The following USP50 variants were observed in gnomAD, a reference collection of about 807,000 sequenced individuals.
USP50 encodes ubiquitin specific peptidase 50.
Under a neutral mutation model 39.2 loss-of-function variants are expected in USP50, and 37 were observed. That is an observed-to-expected ratio of 0.94 (90% CI 0.73 to 1.24). The LOEUF (loss-of-function observed/expected upper bound fraction) is 1.24, where lower values mean the gene tolerates loss of function less well. USP50 is among the 50% of genes most tolerant of loss of function. The pLI, the probability that USP50 is intolerant of heterozygous loss-of-function variation, is 0.00. For synonymous variants in USP50, 139 were observed against 144.5 expected, an observed-to-expected ratio of 0.96 and a Z score of 0.27; for missense variants, 374 against 398.2, an observed-to-expected ratio of 0.94 and a Z score of 0.52.
chr15:50,500,899 A>T, intron 6 of USP50, 62 bp from the exon 7 acceptor site: 1 of 1,284,388 alleles, frequency 7.8e-7, no homozygotes, highest in Non-Finnish European at 1.1e-6. Context: ...CTGGAACAGA[A>T]ATGATAGGGC....
At chr15:50,525,656 GTATATA>G (rs1212569675) in intron 6 of USP50, among the ~76,000 whole-genome samples, 3 of 75,502 alleles carry the variant, frequency 4.0e-5, no homozygotes, top group South Asian at 4.2e-4. Flanking sequence ...ATATGTATAT[GTATATA>G]TGTATATGTA....
intron 6 of USP50, among the ~76,000 whole-genome samples, chr15:50,518,407 T>A (rs1025761274): frequency 3.6e-4 from 55 of 151,948 alleles, no homozygotes; most frequent in African/African-American, 1.3e-3. Flanking sequence ...ATATTTTTAG[T>A]AGAGACGGGG....
intron 4 of USP50, 75 bp from the exon 5 acceptor site, chr15:50,538,926 T>A: frequency 6.8e-7 from 1 of 1,465,744 alleles, no homozygotes; most frequent in South Asian, 1.4e-5. Context: ...TATTGGAACT[T>A]TGCAAATGCC....
At chr15:50,519,802 G>T in intron 6 of USP50, among the ~76,000 whole-genome samples, 1 of 152,072 alleles carries the variant, frequency 6.6e-6, no homozygotes, top group Non-Finnish European at 1.5e-5. Flanking sequence ...CAAGGATACA[G>T]AGAAAAGGGA....
intron 6 of USP50, among the ~76,000 whole-genome samples, chr15:50,528,998 T>A (rs2052919504): frequency 2.0e-5 from 3 of 152,190 alleles, no homozygotes; most frequent in African/African-American, 7.2e-5. Context: ...AATGGCTTGC[T>A]ACTTGGGGAT....
chr15:50,539,782 C>T (rs1041331445), intron 4 of USP50, among the ~76,000 whole-genome samples: 2 of 152,152 alleles, frequency 1.3e-5, no homozygotes, highest in Non-Finnish European at 2.9e-5. Flanking sequence ...TAAAATGATC[C>T]GGTGACAAAA....
At chr15:50,511,216 G>A (rs2052735585) in intron 6 of USP50, 1 of 152,176 alleles carries the variant, frequency 6.6e-6, no homozygotes, top group African/African-American at 2.4e-5. Flanking sequence ...TCAAAACCAT[G>A]ACATACCAGT....
intron 5 of USP50, among the ~76,000 whole-genome samples, chr15:50,536,023 C>G (rs1434099780): frequency 6.6e-6 from 1 of 152,148 alleles, no homozygotes; most frequent in African/African-American, 2.4e-5. Context: ...ACAGTAACAT[C>G]ATACTTAATG....
intron 6 of USP50, among the ~76,000 whole-genome samples, chr15:50,527,645 T>G (rs1018923118): frequency 6.9e-5 from 5 of 72,838 alleles, no homozygotes; most frequent in South Asian, 4.6e-4. Context: ...TTTATTGTTG[T>G]TTTTTTTTTT....
intron 6 of USP50, chr15:50,513,518 T>TTAA (rs1172982929): frequency 2.3e-5 from 2 of 85,980 alleles, no homozygotes; most frequent in African/African-American, 9.0e-5. Context: ...CGAAACTGTC[T>TTAA]AAAAAAAAAA....
intron 1 of USP50, among the ~76,000 whole-genome samples, chr15:50,545,939 T>C (rs558265358): frequency 9.3e-5 from 14 of 151,098 alleles, no homozygotes; most frequent in Middle Eastern, 3.4e-3. Flanking sequence ...TTTTTTTAAG[T>C]GATTGATCTA....
At chr15:50,506,718 G>C (rs559574106) in intron 6 of USP50, 1 of 152,196 alleles carries the variant, frequency 6.6e-6, no homozygotes, top group South Asian at 2.1e-4. Flanking sequence ...TCAGCACTTG[G>C]GGAGGCCGAG....
At chr15:50,509,724 A>C (rs891101654) in intron 6 of USP50, 1 of 152,212 alleles carries the variant, frequency 6.6e-6, no homozygotes, top group African/African-American at 2.4e-5. Flanking sequence ...AACATGTAAT[A>C]GCTACAGATC....
chr15:50,493,089 G>A (rs2052239919), downstream of USP50: 8 of 729,532 alleles, frequency 1.1e-5, no homozygotes, highest in Non-Finnish European at 1.4e-5. Context: ...TCGTCTAGGT[G>A]CCGGCATCTG....
intron 6 of USP50, among the ~76,000 whole-genome samples, chr15:50,526,985 A>G (rs1279240937): frequency 2.0e-5 from 3 of 152,224 alleles, no homozygotes; most frequent in Admixed American, 6.5e-5. Flanking sequence ...TAAATCTAAC[A>G]AAGAATCTAG....
At chr15:50,543,504 G>C in intron 3 of USP50, 94 bp downstream of exon 3, 1 of 1,254,704 alleles carries the variant, frequency 8.0e-7, no homozygotes, top group South Asian at 1.3e-5. Flanking sequence ...GCACAAAGTA[G>C]ACAATATTAA....
downstream of USP50, among the ~76,000 whole-genome samples, chr15:50,498,012 G>A (rs2052482065): frequency 6.6e-6 from 1 of 152,064 alleles, no homozygotes; most frequent in African/African-American, 2.4e-5. Context: ...TCCTAGTTGA[G>A]GATTCTGGAA....
intron 6 of USP50, among the ~76,000 whole-genome samples, chr15:50,519,123 C>T (rs2052827225): frequency 6.6e-6 from 1 of 151,816 alleles, no homozygotes; most frequent in African/African-American, 2.4e-5. Context: ...CTCATCTCTG[C>T]TAAAAATGCA....
At chr15:50,497,093 G>T, downstream of USP50, 1 of 1,596,812 alleles carries the variant, frequency 6.3e-7, no homozygotes, top group Non-Finnish European at 8.5e-7. Context: ...TGCCAGGATT[G>T]CCTTAGATTA....
Sources: gnomAD v4.1 joint callset for allele counts (sites outside exome capture counted in the v4.1 genomes callset) on GRCh38, gnomAD v4.1.1 for gene constraint, MANE v1.5 for transcripts, NCBI Gene and HGNC (gene_info 2026-07-23, HGNC 2026-07-21) for gene names.